Variants in CAMTA1 observed in about 807,000 individuals in gnomAD.
The protein encoded by CAMTA1 is calmodulin-binding transcription activator 1.
A neutral mutation model predicts 170.9 loss-of-function variants in CAMTA1; 27 were observed. That is an observed-to-expected ratio of 0.16 (90% CI 0.12 to 0.22). The LOEUF is 0.22. Among genes scored for constraint, CAMTA1 ranks in the 10% least tolerant of loss-of-function variants. CAMTA1 has a pLI of 1.00. For missense variants in CAMTA1, 1,619 were observed against 2,217.2 expected (o/e 0.73, Z 5.42); for synonymous variants, 833 against 891.5 (o/e 0.93, Z 1.17).
At chr1:7,691,867 G>C (rs1475714082) in intron 11 of CAMTA1, among the ~76,000 whole-genome samples, 1 of 152,018 alleles carries the variant, frequency 6.6e-6, no homozygotes, top group Non-Finnish European at 1.5e-5. Flanking sequence ...CCAAGGCCAA[G>C]AACTTCTGTC....
chr1:7,582,022 G>A (rs757173482), intron 6 of CAMTA1, among the ~76,000 whole-genome samples: 8 of 152,154 alleles, frequency 5.3e-5, no homozygotes, highest in Non-Finnish European at 7.3e-5. Flanking sequence ...GCTCTTGTTG[G>A]CTTTCTGGGG....
At chr1:7,552,158 G>A (rs1466527196) in intron 6 of CAMTA1, among the ~76,000 whole-genome samples, 3 of 150,744 alleles carry the variant, frequency 2.0e-5, no homozygotes, top group Non-Finnish European at 3.0e-5. Flanking sequence ...ATGGCCAGAG[G>A]GACTGATGAA....
chr1:7,483,595 A>G (rs2093571771), intron 6 of CAMTA1, among the ~76,000 whole-genome samples: 1 of 152,166 alleles, frequency 6.6e-6, no homozygotes, highest in Admixed American at 6.5e-5. Context: ...CAGGGGCTGG[A>G]GGATTCCCCC....
intron 4 of CAMTA1, among the ~76,000 whole-genome samples, chr1:7,176,666 G>A (rs1221966555): frequency 3.9e-5 from 6 of 152,160 alleles, no homozygotes; most frequent in African/African-American, 1.4e-4. Context: ...GCACTCACGG[G>A]TTTCTACTCT....
chr1:7,539,483 A>G (rs1383894527), intron 6 of CAMTA1, among the ~76,000 whole-genome samples: 1 of 152,226 alleles, frequency 6.6e-6, no homozygotes, highest in Non-Finnish European at 1.5e-5. Flanking sequence ...ATTTCTTTGT[A>G]TGAGTGAAGA....
chr1:7,039,221 G>A (rs996572111), intron 3 of CAMTA1, among the ~76,000 whole-genome samples: 7 of 152,060 alleles, frequency 4.6e-5, no homozygotes, highest in African/African-American at 1.7e-4. Flanking sequence ...GGAGTGTGGC[G>A]TCATGGCTGC....
Position 7,737,555 on chromosome 1 carries a change from G to A in CAMTA1, c.3643G>A (p.Ala1215Thr). The A allele has an allele frequency of 2.5e-6, 4 of 1,608,540 alleles. No individual in the cohort carries two copies. The highest frequency in any genetic ancestry group is 3.4e-6 in the Non-Finnish European group (4 of 1,176,308). The part of the protein sequence containing the change: ...PEIPKGVTVI[A>T]STNPELRRPR... ...AATACCCAAGGGAGTCACTGTTATTGCAAGCACCAACCCAGGTAAGAATTC... is the reference window on the plus strand; with the variant it reads ...AATACCCAAGGGAGTCACTGTTATTACAAGCACCAACCCAGGTAAGAATTC... Residue 1215 changes from alanine to threonine, a missense_variant, in exon 15 of 23, where the codon GCA (alanine) becomes ACA (threonine). Ala to Thr is a moderately conservative substitution (Grantham distance 58). This residue lies in a region of CAMTA1 where 370 missense variants were observed against 429.4 expected (regional missense o/e 0.86). Transcript: ENST00000303635.
chr1:7,573,451 C>T (rs1320070642), intron 6 of CAMTA1, among the ~76,000 whole-genome samples: 2 of 152,192 alleles, frequency 1.3e-5, no homozygotes, highest in Non-Finnish European at 2.9e-5. Flanking sequence ...AACAGTGGTC[C>T]CTGGCTGCCC....
At chr1:6,942,750 T>C (rs1686860296) in intron 3 of CAMTA1, among the ~76,000 whole-genome samples, 1 of 152,240 alleles carries the variant, frequency 6.6e-6, no homozygotes, top group South Asian at 2.1e-4. Flanking sequence ...GAGCACAAGC[T>C]GTAGCCAGGT....
intron 6 of CAMTA1, among the ~76,000 whole-genome samples, chr1:7,583,264 T>C (rs1272531701): frequency 6.6e-6 from 1 of 151,234 alleles, no homozygotes; most frequent in Non-Finnish European, 1.5e-5. Context: ...GAGGCCCAGG[T>C]GTGTGGAAGG....
chr1:6,917,870 G>T (rs549197398), intron 3 of CAMTA1, among the ~76,000 whole-genome samples: 14 of 150,018 alleles, frequency 9.3e-5, no homozygotes, highest in Non-Finnish European at 1.8e-4. Context: ...ACATCTACAT[G>T]CCATCTTTGG....
intron 18 of CAMTA1, among the ~76,000 whole-genome samples, 193 bp downstream of exon 18, chr1:7,746,284 AT>A (rs1423249225): frequency 6.6e-6 from 1 of 152,200 alleles, no homozygotes; most frequent in African/African-American, 2.4e-5. Flanking sequence ...TTGTAAAAAT[AT>A]TTTATGGTAA....
chr1:7,354,170 A>G lies in CAMTA1; in HGVS notation c.438+104544A>G, dbSNP rs181190535. On this transcript the variant is annotated intron_variant, in intron 5 of 22. Transcript: ENST00000303635. ...TTTCTCTTTTTTTTTTTTTTTTGAG[A>G]CAGAGTCTTGTTCTGTCGCCCAGGC... is the stretch of plus-strand genomic sequence containing the variant. 9.5e-3 allele frequency among the ~76,000 whole-genome samples: 1,369 copies of G among 144,156 alleles called. 21 individuals carry two copies. The highest frequency in any genetic ancestry group is 0.033 in the African/African-American group (1,243 of 38,046). 94.6% of individuals were successfully genotyped at this position (144,156 alleles called of 152,430 possible). A position where few individuals can be genotyped will look rare whatever the true frequency, so the allele number is the denominator to read the frequency against.
chr1:6,831,689 T>C (rs1390602165), intron 3 of CAMTA1, among the ~76,000 whole-genome samples: 5 of 152,232 alleles, frequency 3.3e-5, no homozygotes, highest in African/African-American at 1.2e-4. Context: ...TTTTTTGTTT[T>C]TCCTGTAATA....
chr1:7,411,957 G>A (rs887790822), intron 5 of CAMTA1, among the ~76,000 whole-genome samples: 1 of 136,084 alleles, frequency 7.3e-6, no homozygotes, highest in Non-Finnish European at 1.5e-5. Flanking sequence ...CCCTTCCTGT[G>A]TCCATGTGTT....
chr1:7,642,931 A>G lies in CAMTA1; in HGVS notation c.664+2378A>G, dbSNP rs973195702. ...GCCTGTCCCATTTCTTGGGAGGTGG[A>G]GTCACTCCAGAGGGCTCAGCTTGGT... On this transcript the variant is annotated intron_variant, in intron 7 of 22. Coordinates refer to ENST00000303635, the MANE Select transcript of CAMTA1 (RefSeq NM_015215.4). This position sits in a 1 kb window ranked among gnomAD's most constrained non-coding sequence, Gnocchi z 6.3. Among the ~76,000 whole-genome samples the G allele has an allele frequency of 1.3e-5, 2 of 152,130 alleles. No homozygotes were observed. Among genetic ancestry groups the G allele is most frequent in the Non-Finnish European group, 2.9e-5 (2 of 68,016 alleles).
chr1:7,124,802 C>T lies in CAMTA1; in HGVS notation c.302+33431C>T, dbSNP rs188136728. On this transcript the variant is annotated intron_variant, in intron 4 of 22. Coordinates refer to ENST00000303635, the MANE Select transcript of CAMTA1 (RefSeq NM_015215.4). The stretch of plus-strand genomic sequence containing the variant: ...GAACTTGTTAGCTGAGAAGATTTAA[C>T]GTCGCCCTCCCCAAGTTTTCTGCAA... Among the ~76,000 whole-genome samples the T allele has an allele frequency of 1.1e-3, 175 of 152,308 alleles. 1 individual carries two copies. Among genetic ancestry groups the T allele is most frequent in the Non-Finnish European group, 2.0e-3 (134 of 68,026 alleles).
At chr1:7,500,505 CCTT>C (rs1220381751) in intron 6 of CAMTA1, among the ~76,000 whole-genome samples, 3 of 152,066 alleles carry the variant, frequency 2.0e-5, no homozygotes, top group East Asian at 3.8e-4. Context: ...GGTCTGGAGA[CCTT>C]CTTGAGCAAA....
intron 5 of CAMTA1, among the ~76,000 whole-genome samples, chr1:7,279,636 C>T (rs1671225719): frequency 6.6e-6 from 1 of 152,160 alleles, no homozygotes; most frequent in Admixed American, 6.5e-5. Context: ...ACCTCCTGGC[C>T]TCCGACCCCA....
Sources: gnomAD v4.1 joint callset for allele counts (sites outside exome capture counted in the v4.1 genomes callset) on GRCh38, gnomAD v4.1.1 for gene constraint, gnomAD v4.1.1 regional missense constraint, Gnocchi (gnomAD v3.1) non-coding constraint, MANE v1.5 for transcripts, NCBI Gene and HGNC (gene_info 2026-07-23, HGNC 2026-07-21) for gene names.